The following ZNF148 variants were observed in gnomAD, a reference collection of about 807,000 sequenced individuals.
The protein encoded by ZNF148 is zinc finger protein 148.
ZNF148 carries 7 observed loss-of-function variants against 67.7 expected under a neutral mutation model. The ratio of observed to expected loss-of-function variants is 0.10; its 90% CI spans 0.06 to 0.19. The LOEUF is 0.19. ZNF148 is among the 10% of genes least tolerant of loss of function. ZNF148 has a pLI of 1.00. For synonymous variants in ZNF148, 333 were observed against 330.7 expected, an observed-to-expected ratio of 1.01 and a Z score of -0.08; for missense variants, 583 against 947.1, an observed-to-expected ratio of 0.62 and a Z score of 5.05.
intron 4 of ZNF148, among the ~76,000 whole-genome samples, chr3:125,288,836 T>C (rs1441256766): frequency 1.3e-5 from 2 of 152,228 alleles, no homozygotes; most frequent in African/African-American, 2.4e-5. Context: ...TATGTGTTTA[T>C]AGAAGCAATT....
chr3:125,354,899 C>A (rs951337489), intron 1 of ZNF148, among the ~76,000 whole-genome samples: 8 of 152,190 alleles, frequency 5.3e-5, no homozygotes, highest in Admixed American at 4.6e-4. Flanking sequence ...ATATTTCTCA[C>A]AATGCGATTA....
rs80174999 is a variant in ZNF148 at position 125,340,368 on chromosome 3, G to A, written c.-233-9130C>T. On this transcript the variant is annotated intron_variant, in intron 1 of 8. Coordinates refer to ENST00000360647, the MANE Select transcript of ZNF148 (RefSeq NM_021964.3). The stretch of plus-strand genomic sequence containing the variant: ...TTGGCCTGAGGCTGTTTTCCACCTA[G>A]AGACAGAGAGGCAAGTAGGCAAAAT... Among the ~76,000 whole-genome samples the A allele has an allele frequency of 0.012, 1,777 of 152,286 alleles. 109 individuals are homozygous for A. The East Asian group carries it at 0.18, about 15-fold the overall frequency.
intron 4 of ZNF148, among the ~76,000 whole-genome samples, chr3:125,307,428 G>C (rs1183636903): frequency 1.3e-5 from 2 of 151,310 alleles, no homozygotes; most frequent in Admixed American, 1.3e-4. Context: ...CTCAGCCTCC[G>C]AGTAGCTGGG....
intron 3 of ZNF148, among the ~76,000 whole-genome samples, chr3:125,322,160 G>C (rs1407206525): frequency 6.7e-6 from 1 of 149,870 alleles, no homozygotes; most frequent in Non-Finnish European, 1.5e-5. Context: ...CTCCCGAGTA[G>C]CCGGGACTAC....
intron 7 of ZNF148, among the ~76,000 whole-genome samples, chr3:125,253,415 T>C (rs1936931178): frequency 6.6e-6 from 1 of 152,216 alleles, no homozygotes; most frequent in African/African-American, 2.4e-5. Flanking sequence ...TTGTGAGTGA[T>C]AGTTTCCTTC....
At chr3:125,234,110 A>AACT in intron 8 of ZNF148, 101 bp downstream of exon 8, 1 of 1,210,408 alleles carries the variant, frequency 8.3e-7, no homozygotes, top group Non-Finnish European at 1.1e-6. Flanking sequence ...TAAGAGTTAG[A>AACT]AGGCCCCTTA....
intron 4 of ZNF148, among the ~76,000 whole-genome samples, chr3:125,297,748 G>A (rs1266655730): frequency 2.1e-5 from 3 of 145,582 alleles, no homozygotes; most frequent in Non-Finnish European, 4.4e-5. Context: ...GGACTGACAA[G>A]ATCAAATAGC....
chr3:125,316,038 C>T (rs1343025116), intron 3 of ZNF148, among the ~76,000 whole-genome samples: 1 of 152,138 alleles, frequency 6.6e-6, no homozygotes, highest in Non-Finnish European at 1.5e-5. Context: ...CCCTTTTACT[C>T]TCTATATCCA....
intron 1 of ZNF148, among the ~76,000 whole-genome samples, chr3:125,335,093 T>C (rs897965713): frequency 5.9e-5 from 9 of 152,210 alleles, no homozygotes; most frequent in African/African-American, 1.7e-4. Context: ...TTTATTGTTA[T>C]ACATTTTGCA....
chr3:125,237,663 T>A (rs1936154707), intron 7 of ZNF148, among the ~76,000 whole-genome samples: 1 of 152,126 alleles, frequency 6.6e-6, no homozygotes, highest in African/African-American at 2.4e-5. Context: ...TTATCAAAAG[T>A]GATAATGAAA....
chr3:125,277,678 T>C, intron 7 of ZNF148, 48 bp downstream of exon 7: 1 of 1,528,464 alleles, frequency 6.5e-7, no homozygotes, highest in Non-Finnish European at 8.9e-7. Flanking sequence ...CTTCCCTCCA[T>C]TTGAAATAAT....
At chr3:125,269,958 G>A (rs533084677) in intron 7 of ZNF148, among the ~76,000 whole-genome samples, 48 of 152,174 alleles carry the variant, frequency 3.2e-4, no homozygotes, top group African/African-American at 1.1e-3. Flanking sequence ...ACTCCAAAAG[G>A]AAGAAGAGAA....
intron 1 of ZNF148, among the ~76,000 whole-genome samples, chr3:125,350,351 G>C (rs1294201405): frequency 6.6e-6 from 1 of 152,132 alleles, no homozygotes; most frequent in Non-Finnish European, 1.5e-5. Context: ...TTTTATTAGA[G>C]ACAGGGTTTC....
chr3:125,322,231 T>C (rs1011838135), intron 3 of ZNF148, among the ~76,000 whole-genome samples: 1 of 151,878 alleles, frequency 6.6e-6, no homozygotes, highest in Non-Finnish European at 1.5e-5. Flanking sequence ...TTTCACCGTG[T>C]GAGCCAGGAT....
rs139139757 is a variant in ZNF148 at position 125,339,338 on chromosome 3, CT to C, written c.-233-8101del. 5.9e-4 allele frequency among the ~76,000 whole-genome samples: 90 copies of C among 152,256 alleles called. 1 individual carries two copies. In the East Asian group the frequency reaches 0.017, roughly 28 times the overall value. ...AGTTGCATAATACAAGATTTTCAGT[CT>C]TTTTTTGAAAAATGTTTAAGAGTGC... On this transcript the variant is annotated intron_variant, in intron 1 of 8. Coordinates refer to ENST00000360647, the MANE Select transcript of ZNF148 (RefSeq NM_021964.3).
intron 5 of ZNF148, among the ~76,000 whole-genome samples, chr3:125,287,702 A>G (rs1938746787): frequency 6.6e-6 from 1 of 152,200 alleles, no homozygotes. Flanking sequence ...CTCTTAGGAT[A>G]CAGCTGTGAA....
intron 1 of ZNF148, among the ~76,000 whole-genome samples, chr3:125,372,260 T>C (rs1942915924): frequency 6.6e-6 from 1 of 152,192 alleles, no homozygotes; most frequent in Non-Finnish European, 1.5e-5. Context: ...TAATTGTCAA[T>C]GTTCTTTCTA....
intron 7 of ZNF148, among the ~76,000 whole-genome samples, chr3:125,267,347 G>C (rs1027208904): frequency 1.3e-5 from 2 of 151,692 alleles, no homozygotes; most frequent in Non-Finnish European, 2.9e-5. Context: ...CTGAATCTAG[G>C]AGCACACCAA....
At chr3:125,305,534 G>A (rs776219593) in intron 4 of ZNF148, among the ~76,000 whole-genome samples, 1 of 152,088 alleles carries the variant, frequency 6.6e-6, no homozygotes, top group Non-Finnish European at 1.5e-5. Flanking sequence ...ATTAGTGGCC[G>A]GGCGTTGTGG....
Sources: gnomAD v4.1 joint callset for allele counts (sites outside exome capture counted in the v4.1 genomes callset) on GRCh38, gnomAD v4.1.1 for gene constraint, MANE v1.5 for transcripts, NCBI Gene and HGNC (gene_info 2026-07-23, HGNC 2026-07-21) for gene names.